Variants in ELP2 observed in about 807,000 individuals in gnomAD.
ELP2 encodes elongator complex protein 2.
Under a neutral mutation model 119.2 loss-of-function variants are expected in ELP2, and 90 were observed. That is an observed-to-expected ratio of 0.75 (90% CI 0.64 to 0.90). The LOEUF is 0.90. ELP2 is among the 40% of genes least tolerant of loss of function. ELP2 has a pLI of 0.00. For synonymous variants in ELP2, 339 were observed against 331.0 expected, an observed-to-expected ratio of 1.02 and a Z score of -0.26; for missense variants, 921 against 967.8, an observed-to-expected ratio of 0.95 and a Z score of 0.64.
chr18:36,166,665 A>G (rs73428977), intron 18 of ELP2, among the ~76,000 whole-genome samples: 6,845 of 152,190 alleles, frequency 0.045, 484 homozygotes, highest in African/African-American at 0.15. Context: ...AGTCCATATA[A>G]GGGCTAGAAC....
chr18:36,148,179 C>T (rs946913487), intron 11 of ELP2, among the ~76,000 whole-genome samples: 4 of 151,692 alleles, frequency 2.6e-5, no homozygotes, highest in East Asian at 1.9e-4. Flanking sequence ...CTGCAAGCTC[C>T]GCCTCCCGAG....
At chr18:36,162,898 T>C (rs1163024312) in intron 17 of ELP2, among the ~76,000 whole-genome samples, 5 of 152,220 alleles carry the variant, frequency 3.3e-5, no homozygotes, top group Non-Finnish European at 2.9e-5. Context: ...ATTGTTTTCT[T>C]ACTGAGTTTT....
At chr18:36,145,760 T>C (rs998091317) in intron 9 of ELP2, among the ~76,000 whole-genome samples, 188 bp from the exon 10 acceptor site, 2 of 152,250 alleles carry the variant, frequency 1.3e-5, no homozygotes, top group African/African-American at 4.8e-5. Context: ...GTCTGTTGTC[T>C]GAATATACCA....
chr18:36,174,437 C>T, intron 21 of ELP2, 48 bp from the exon 22 acceptor site: 1 of 1,573,472 alleles, frequency 6.4e-7, no homozygotes, highest in Non-Finnish European at 8.7e-7. Flanking sequence ...TTCATGTTTA[C>T]ACCATTAATT....
Position 36,180,557 on chromosome 18 carries a change from A to G in ELP2, c.*5916A>G, listed in dbSNP as rs190678219. On this transcript the variant is annotated 3_prime_UTR_variant, in exon 22 of 22. Transcript: ENST00000358232. The stretch of plus-strand genomic sequence containing the variant: ...ATAAAGCTCTGCTCGTGTCAACTCC[A>G]TAGAGCCTTTGGTAAACCCCTCAAG... The G allele has an allele frequency of 7.9e-5, 12 of 152,352 alleles. No homozygotes were observed. The highest frequency in any genetic ancestry group is 1.6e-4 in the Non-Finnish European group (11 of 68,036). 9.4% of individuals were successfully genotyped at this position (152,352 alleles called of 1,614,324 possible).
intron 18 of ELP2, among the ~76,000 whole-genome samples, chr18:36,166,590 C>G (rs1006794253): frequency 3.9e-5 from 6 of 152,016 alleles, no homozygotes; most frequent in Non-Finnish European, 8.8e-5. Context: ...CCTCTGCCTC[C>G]CAAAAGTGTG....
intron 19 of ELP2, 50 bp from the exon 20 acceptor site, chr18:36,170,013 A>G: frequency 6.2e-7 from 1 of 1,613,688 alleles, no homozygotes; most frequent in Non-Finnish European, 8.5e-7. Context: ...GTACATGGCT[A>G]GAAACCTTGC....
At chr18:36,169,759 C>T (rs1299832793) in intron 19 of ELP2, among the ~76,000 whole-genome samples, 1 of 151,940 alleles carries the variant, frequency 6.6e-6, no homozygotes, top group Non-Finnish European at 1.5e-5. Flanking sequence ...TGATGGGACT[C>T]CACTGGATCA....
Position 36,164,501 on chromosome 18 carries a change from C to G in ELP2, c.1788C>G (p.Ile596Met), listed in dbSNP as rs2090833901. 13 of 1,614,086 alleles carry G rather than the reference C, an allele frequency of 8.1e-6. No homozygotes were observed. The highest frequency in any genetic ancestry group is 1.0e-5 in the Non-Finnish European group (12 of 1,179,960). Residue 596 changes from isoleucine to methionine, a missense_variant, in exon 18 of 22, where the codon ATC becomes ATG. By Grantham distance (10) the Ile-to-Met change is conservative (BLOSUM62 1). Coordinates refer to ENST00000358232, the MANE Select transcript of ELP2 (RefSeq NM_018255.4). The stretch of plus-strand genomic sequence containing the variant: ...CAGCTAAGAAAGAGCATGCAGCTAT[C>G]ATTCTTTGGAACACTACATCTTGGA... ...CKAAKKEHAA[I>M]ILWNTTSWKQ... is the part of the protein sequence containing the mutation.
rs925033465 is a variant in ELP2, at chr18:36,178,259, A to T, written c.*3618A>T. On this transcript the variant is annotated 3_prime_UTR_variant, in exon 22 of 22. Transcript: ENST00000358232. The stretch of plus-strand genomic sequence containing the variant: ...CCTTGGCTCTGATGCTTGAACATAA[A>T]CACACCTAGTCAGAAGTACATCAGT... The T allele has an allele frequency of 6.6e-6, 1 of 152,238 alleles. No individual in the cohort carries two copies. The highest frequency in any genetic ancestry group is 2.4e-5 in the African/African-American group (1 of 41,450). The allele number at this position is 152,238 out of a possible 1,614,324, so 9.4% of individuals were successfully genotyped here.
At chr18:36,130,805 A>G (rs2089586918) in intron 1 of ELP2, among the ~76,000 whole-genome samples, 1 of 152,230 alleles carries the variant, frequency 6.6e-6, no homozygotes, top group Non-Finnish European at 1.5e-5. Flanking sequence ...TAAAATGTTG[A>G]AAATTCAAAT....
intron 18 of ELP2, chr18:36,165,083 T>C (rs995035526): frequency 9.7e-6 from 2 of 205,950 alleles, no homozygotes; most frequent in African/African-American, 4.7e-5. Flanking sequence ...TTCTTCTCTC[T>C]GAACTATTTT....
At chr18:36,159,679 A>G (rs948871014) in intron 14 of ELP2, 56 bp from the exon 15 acceptor site, 81 of 1,315,876 alleles carry the variant, frequency 6.2e-5, no homozygotes, top group East Asian at 2.3e-5. Context: ...ATATTGAGAC[A>G]AGTGAAGGAG....
chr18:36,135,192 G>A (rs2089782383), intron 2 of ELP2, among the ~76,000 whole-genome samples: 1 of 152,188 alleles, frequency 6.6e-6, no homozygotes, highest in South Asian at 2.1e-4. Flanking sequence ...GTTTAAAAGT[G>A]AGGTTACATA....
At chr18:36,151,200 T>C (rs1473932648) in intron 11 of ELP2, among the ~76,000 whole-genome samples, 11 of 150,856 alleles carry the variant, frequency 7.3e-5, no homozygotes, top group Admixed American at 7.3e-4. Context: ...TCCTCCCACC[T>C]CCACCTCCCG....
At chr18:36,151,236 C>T (rs1037234281) in intron 11 of ELP2, among the ~76,000 whole-genome samples, 17 of 151,992 alleles carry the variant, frequency 1.1e-4, no homozygotes, top group African/African-American at 3.4e-4. Context: ...AGGCAGGCAC[C>T]GCCATGCCCG....
At chr18:36,167,300 A>C in intron 19 of ELP2, 78 bp downstream of exon 19, 1 of 1,123,508 alleles carries the variant, frequency 8.9e-7, no homozygotes, top group Non-Finnish European at 1.3e-6. Flanking sequence ...AAAAATGCAT[A>C]ATCCTGCCTT....
At chr18:36,162,248 C>T (rs1394802874) in intron 17 of ELP2, among the ~76,000 whole-genome samples, 1 of 152,128 alleles carries the variant, frequency 6.6e-6, no homozygotes, top group Non-Finnish European at 1.5e-5. Flanking sequence ...CCTAGGAAAC[C>T]ACTTGTCTGC....
chr18:36,161,065 C>A, intron 17 of ELP2, 61 bp downstream of exon 17: 1 of 1,236,366 alleles, frequency 8.1e-7, no homozygotes, highest in African/African-American at 1.5e-5. Flanking sequence ...CAGGCTCCTG[C>A]AAGTTTGGTA....
Sources: gnomAD v4.1 joint callset for allele counts (sites outside exome capture counted in the v4.1 genomes callset) on GRCh38, gnomAD v4.1.1 for gene constraint, MANE v1.5 for transcripts, NCBI Gene and HGNC (gene_info 2026-07-23, HGNC 2026-07-21) for gene names.